The following ABCD2 variants were observed in gnomAD, a reference collection of about 807,000 sequenced individuals.
ABCD2 encodes the protein ATP-binding cassette sub-family D member 2.
ABCD2 carries 36 observed loss-of-function variants against 70.9 expected under a neutral mutation model. The observed-to-expected ratio is 0.51, with a 90% CI of 0.39 to 0.67. The LOEUF (loss-of-function observed/expected upper bound fraction) is 0.67. Ranked by LOEUF, ABCD2 falls within the 30% of genes least tolerant of loss-of-function variation. The pLI, the probability that ABCD2 is intolerant of heterozygous loss-of-function variation, is 0.00. For missense variants in ABCD2, 729 were observed against 890.2 expected (o/e 0.82, Z 2.30); for synonymous variants, 304 against 306.9 (o/e 0.99, Z 0.10).
rs530079246 is a variant in ABCD2 at position 39,550,811 on chromosome 12, T to A, written c.*3101A>T. 6.6e-6 allele frequency: 1 copy of A among 151,822 alleles called. No individual in the cohort carries two copies. Among genetic ancestry groups the A allele is most frequent in the African/African-American group, 2.4e-5 (1 of 41,548 alleles). 9.4% of individuals were successfully genotyped at this position (151,822 alleles called of 1,614,324 possible). On this transcript the variant is annotated 3_prime_UTR_variant, in exon 10 of 10. Transcript: ENST00000308666. ...AACCTTTACCATCATTTTATGCATATATTAGAAGTGTGTAACATTCTCTGG... is the reference window on the plus strand; with the variant it reads ...AACCTTTACCATCATTTTATGCATAAATTAGAAGTGTGTAACATTCTCTGG...
chr12:39,559,225 A>T (rs1941214757), intron 9 of ABCD2, among the ~76,000 whole-genome samples: 1 of 151,816 alleles, frequency 6.6e-6, no homozygotes, highest in African/African-American at 2.4e-5. Flanking sequence ...ATACAAAATT[A>T]GCCCAGCGTG....
In ABCD2 at chr12:39,588,722, G is replaced by T. The variant is rs371551981; in HGVS notation, c.1647-2425C>A. On this transcript the variant is annotated intron_variant, in intron 6 of 9. Transcript: ENST00000308666. Reference sequence around the variant, plus strand: ...TTTATAACCTGAATCACATCACGGAGAAACTATCAGACAAACCCAAATTGA... The same window carrying T: ...TTTATAACCTGAATCACATCACGGATAAACTATCAGACAAACCCAAATTGA... Among the ~76,000 whole-genome samples, 41 of 151,262 alleles carry T rather than the reference G, an allele frequency of 2.7e-4. No individual in the cohort carries two copies. In the Middle Eastern group the frequency reaches 0.017, roughly 63 times the overall value.
At chr12:39,534,783 AAAG>A in the ABCD2 span, among the ~76,000 whole-genome samples, 1 of 146,270 alleles carries the variant, frequency 6.8e-6, no homozygotes, top group African/African-American at 2.5e-5. Context: ...AGAAAGAAAG[AAAG>A]AAAGAAAGAA....
chr12:39,542,299 T>C, the ABCD2 span, among the ~76,000 whole-genome samples: 1 of 151,832 alleles, frequency 6.6e-6, no homozygotes, highest in Non-Finnish European at 1.5e-5. Context: ...CTATCTCTAC[T>C]AAAAATACAA....
downstream of ABCD2, among the ~76,000 whole-genome samples, chr12:39,546,844 G>C (rs1335974381): frequency 6.6e-6 from 1 of 151,924 alleles, no homozygotes; most frequent in Non-Finnish European, 1.5e-5. Flanking sequence ...AAAATAAAAT[G>C]AGTAAGAGGA....
chr12:39,537,504 C>T, the ABCD2 span, among the ~76,000 whole-genome samples: 3 of 152,136 alleles, frequency 2.0e-5, no homozygotes, highest in African/African-American at 7.2e-5. Flanking sequence ...ATTTTCATTT[C>T]TTTTGAATAT....
chr12:39,585,548 AT>A (rs1456233568), intron 7 of ABCD2, among the ~76,000 whole-genome samples: 3 of 152,068 alleles, frequency 2.0e-5, no homozygotes, highest in Non-Finnish European at 4.4e-5. Context: ...TGTGATTATT[AT>A]TATTAAATTA....
At chr12:39,578,224 C>T (rs1035543077) in intron 8 of ABCD2, among the ~76,000 whole-genome samples, 1 of 152,166 alleles carries the variant, frequency 6.6e-6, no homozygotes, top group Non-Finnish European at 1.5e-5. Flanking sequence ...CCTGTAATCC[C>T]AGCACTTTGG....
the ABCD2 span, among the ~76,000 whole-genome samples, chr12:39,537,241 C>T: frequency 1.3e-5 from 2 of 152,140 alleles, no homozygotes; most frequent in African/African-American, 2.4e-5. Flanking sequence ...CAAAACTGAA[C>T]TCATCTTCCC....
chr12:39,549,711 T>G (rs1413364169), downstream of ABCD2, among the ~76,000 whole-genome samples: 1 of 151,896 alleles, frequency 6.6e-6, no homozygotes, highest in Non-Finnish European at 1.5e-5. Context: ...ACGTTAAAAA[T>G]AGTAATAATG....
At chr12:39,597,125 T>C (rs1591990420) in intron 6 of ABCD2, among the ~76,000 whole-genome samples, 5 of 152,034 alleles carry the variant, frequency 3.3e-5, no homozygotes, top group Admixed American at 3.3e-4. Context: ...TCTTCTGGAG[T>C]ATTATTTTTA....
At chr12:39,565,324 C>A (rs1254572341) in intron 9 of ABCD2, among the ~76,000 whole-genome samples, 1 of 152,180 alleles carries the variant, frequency 6.6e-6, no homozygotes, top group Admixed American at 6.5e-5. Context: ...GTTTGTAGTT[C>A]ACCTTGAAGA....
At chr12:39,566,822 T>A (rs1425344848) in intron 9 of ABCD2, among the ~76,000 whole-genome samples, 1 of 152,238 alleles carries the variant, frequency 6.6e-6, no homozygotes, top group Non-Finnish European at 1.5e-5. Flanking sequence ...GAAATTCTGG[T>A]ACGTTGTGTC....
rs767255509 is a variant in ABCD2, at chr12:39,618,934, G to T, written c.682C>A (p.Leu228Met). Residue 228 changes from leucine to methionine, a missense_variant, in exon 1 of 10, where the codon CTG becomes ATG. Leu to Met is a conservative substitution (Grantham distance 15, BLOSUM62 2). Around this residue, in one of 3 missense-constraint regions of ABCD2, gnomAD observed 195 missense variants for 300.2 expected, o/e 0.65. Transcript: ENST00000308666. ...SQSVAHLYSN[L>M]TKPILDVMLT... ...ATTACATCTAAAATAGGTTTGGTCAGATTGGAATACAAGTGAGCCACAGAT... is the reference window on the plus strand; with the variant it reads ...ATTACATCTAAAATAGGTTTGGTCATATTGGAATACAAGTGAGCCACAGAT... 7 of 1,614,224 alleles carry T rather than the reference G, an allele frequency of 4.3e-6. No homozygotes were observed. The highest frequency in any genetic ancestry group is 1.1e-5 in the South Asian group (1 of 91,088).
intron 6 of ABCD2, among the ~76,000 whole-genome samples, chr12:39,588,172 A>T (rs973194348): frequency 6.6e-6 from 1 of 152,142 alleles, no homozygotes. Context: ...TTAATAAAAA[A>T]ATTTCTAGCC....
rs533410932 is a variant in ABCD2 at position 39,553,937 on chromosome 12, A to G, written c.2198T>C (p.Ile733Thr). The change falls in exon 10 of 10, where the codon ATT (isoleucine) becomes ACT (threonine). Residue 733 changes from isoleucine to threonine, a missense_variant. Coordinates refer to ENST00000308666, the MANE Select transcript of ABCD2 (RefSeq NM_005164.4). ...ILGEDSVLKT[I>T]KNEDETS is the part of the protein sequence containing the mutation. ...TTAAGATGTCTCATCTTCATTTTTA[A>G]TTGTTTTCAGCACTGAGTCTTCTCC... 3 of 1,610,804 alleles carry G rather than the reference A, an allele frequency of 1.9e-6. No individual in the cohort carries two copies. The highest frequency in any genetic ancestry group is 1.3e-5 in the African/African-American group (1 of 74,900).
At chr12:39,532,998 A>G in the ABCD2 span, among the ~76,000 whole-genome samples, 1 of 149,020 alleles carries the variant, frequency 6.7e-6, no homozygotes, top group African/African-American at 2.5e-5. Flanking sequence ...TCTCTACTGA[A>G]AAAAAAAAAT....
intron 2 of ABCD2, among the ~76,000 whole-genome samples, chr12:39,609,852 A>G (rs1942021740): frequency 6.6e-6 from 1 of 152,224 alleles, no homozygotes; most frequent in Non-Finnish European, 1.5e-5. Flanking sequence ...TGTATTTACT[A>G]GACACTTAGA....
Position 39,573,790 on chromosome 12 carries a change from G to T in ABCD2, c.1929C>A (p.Val643=), listed in dbSNP as rs56388075. 1.9e-6 allele frequency: 3 copies of T among 1,613,176 alleles called. No homozygotes were observed. In the Admixed American group the frequency reaches 5.0e-5, roughly 27 times the overall value. ...DECTSAVSID[V]EGKIFQAAKG... ...TTGCAGCCTGAAATATCTTTCCTTC[G>T]ACATCAATGCTGACAGCACTGGTAC... The change falls in exon 9 of 10, where the codon GTC becomes GTA. Residue 643 remains valine, a synonymous_variant. Transcript: ENST00000308666.
Sources: allele counts gnomAD v4.1 joint callset (sites outside exome capture counted in the v4.1 genomes callset), GRCh38; gene constraint gnomAD v4.1.1; regional missense constraint gnomAD v4.1.1; transcripts MANE v1.5; gene names NCBI Gene and HGNC (gene_info 2026-07-23, HGNC 2026-07-21).